The following TUBA1C variants were observed in gnomAD, a reference collection of about 807,000 sequenced individuals.
TUBA1C encodes the protein tubulin alpha-1C chain.
A neutral mutation model predicts 34.9 loss-of-function variants in TUBA1C; 16 were observed. The observed-to-expected ratio is 0.46, with a 90% CI of 0.31 to 0.70. The LOEUF (loss-of-function observed/expected upper bound fraction) is 0.70, where lower values mean the gene tolerates loss of function less well. Ranked by LOEUF, TUBA1C falls within the 30% of genes least tolerant of loss-of-function variation. The pLI, the probability that TUBA1C is intolerant of heterozygous loss-of-function variation, is 0.05. For synonymous variants in TUBA1C, 177 were observed against 215.9 expected (o/e 0.82, Z 1.58); for missense variants, 329 against 587.3 (o/e 0.56, Z 4.55).
At chr12:49,271,528 T>C (rs1942991505) in intron 3 of TUBA1C, among the ~76,000 whole-genome samples, 1 of 152,204 alleles carries the variant, frequency 6.6e-6, no homozygotes, top group Non-Finnish European at 1.5e-5. Context: ...ACTTACTTAA[T>C]TCTCAACCTA....
At chr12:49,266,369 G>C (rs1244761606) in intron 1 of TUBA1C, among the ~76,000 whole-genome samples, 1 of 149,482 alleles carries the variant, frequency 6.7e-6, no homozygotes, top group Non-Finnish European at 1.5e-5. Flanking sequence ...GGCGGAGCTT[G>C]CAGTGAGCCG....
At chr12:49,228,770 G>A (rs183785070) in intron 1 of TUBA1C, among the ~76,000 whole-genome samples, 163 of 152,226 alleles carry the variant, frequency 1.1e-3, no homozygotes, top group Admixed American at 8.6e-3. Flanking sequence ...GAGAGTAGGC[G>A]CTAACACAAT....
chr12:49,238,084 G>C (rs531001370), intron 1 of TUBA1C, among the ~76,000 whole-genome samples: 1 of 151,650 alleles, frequency 6.6e-6, no homozygotes, highest in Non-Finnish European at 1.5e-5. Flanking sequence ...ACTCCAGCCT[G>C]GGTGACAAGA....
At chr12:49,247,222 G>C (rs1942679589) in intron 1 of TUBA1C, among the ~76,000 whole-genome samples, 2 of 151,988 alleles carry the variant, frequency 1.3e-5, no homozygotes, top group South Asian at 4.2e-4. Context: ...ACCTCAGAGG[G>C]GAGACAGAGC....
chr12:49,261,229 C>CAA (rs60770205), upstream of TUBA1C, among the ~76,000 whole-genome samples: 10 of 131,958 alleles, frequency 7.6e-5, no homozygotes, highest in African/African-American at 2.8e-4. Context: ...GACACCGTCT[C>CAA]AAAAAAAAAA....
At chr12:49,234,420 C>G (rs988075292) in intron 1 of TUBA1C, among the ~76,000 whole-genome samples, 10 of 152,270 alleles carry the variant, frequency 6.6e-5, no homozygotes, top group African/African-American at 2.4e-4. Context: ...ACACTACTCT[C>G]CAAACCAGAG....
At chr12:49,243,354 T>C (rs760968131) in intron 1 of TUBA1C, among the ~76,000 whole-genome samples, 3 of 151,846 alleles carry the variant, frequency 2.0e-5, no homozygotes, top group Non-Finnish European at 4.4e-5. Flanking sequence ...GGCGGGAGAA[T>C]TGGTTGAATC....
chr12:49,237,942 C>G (rs1592273559), intron 1 of TUBA1C, among the ~76,000 whole-genome samples: 2 of 151,770 alleles, frequency 1.3e-5, no homozygotes, highest in African/African-American at 4.8e-5. Context: ...AAACTCGTCT[C>G]TACTAAAAAT....
chr12:49,265,917 A>AGATCAG, intron 1 of TUBA1C, among the ~76,000 whole-genome samples: 1 of 130,686 alleles, frequency 7.7e-6, no homozygotes. Context: ...CACTTGTTCG[A>AGATCAG]GACAAACCTG....
intron 1 of TUBA1C, among the ~76,000 whole-genome samples, chr12:49,268,028 C>G (rs1428236121): frequency 6.6e-6 from 1 of 152,162 alleles, no homozygotes; most frequent in Non-Finnish European, 1.5e-5. Context: ...TAACCATATT[C>G]TGCTTTGGCC....
chr12:49,231,162 T>C (rs534889198), intron 1 of TUBA1C, among the ~76,000 whole-genome samples: 1 of 152,262 alleles, frequency 6.6e-6, no homozygotes, highest in South Asian at 2.1e-4. Context: ...TCCATCATTA[T>C]TTTTTAATTG....
intron 1 of TUBA1C, among the ~76,000 whole-genome samples, chr12:49,236,885 T>C (rs1480430266): frequency 6.6e-6 from 1 of 152,230 alleles, no homozygotes; most frequent in African/African-American, 2.4e-5. Flanking sequence ...GATTATGATA[T>C]TATAATCTTA....
chr12:49,245,935 C>T (rs546593061), intron 1 of TUBA1C, among the ~76,000 whole-genome samples: 1 of 152,260 alleles, frequency 6.6e-6, no homozygotes, highest in Non-Finnish European at 1.5e-5. Flanking sequence ...GATGGAATCT[C>T]ACTCTGTTGC....
intron 1 of TUBA1C, among the ~76,000 whole-genome samples, chr12:49,251,223 C>T (rs1942729202): frequency 6.6e-6 from 1 of 152,060 alleles, no homozygotes; most frequent in Non-Finnish European, 1.5e-5. Context: ...CAAACAAAAA[C>T]AATCTAACAA....
Position 49,237,748 on chromosome 12 carries a change from AAGAG to A in TUBA1C, c.213+9592_213+9595del, listed in dbSNP as rs202182177. Among the ~76,000 whole-genome samples, 343 of 149,244 alleles carry A rather than the reference AAGAG, an allele frequency of 2.3e-3. 2 individuals are homozygous for A. The highest frequency in any genetic ancestry group is 8.1e-3 in the African/African-American group (326 of 40,162). On this transcript the variant is annotated intron_variant, in intron 1 of 3. Transcript: ENST00000541364. ...GACAGAGACCCTGTCAAAAAAAAAAAAGAGAGAGAGAGAAAGAGGGGTGGGGAGG... is the reference window on the plus strand; with the variant it reads ...GACAGAGACCCTGTCAAAAAAAAAAAAGAGAGAGAAAGAGGGGTGGGGAGG...
intron 1 of TUBA1C, among the ~76,000 whole-genome samples, 156 bp from the exon 2 acceptor site, chr12:49,269,309 T>A (rs1942956786): frequency 6.6e-6 from 1 of 152,166 alleles, no homozygotes; most frequent in South Asian, 2.1e-4. Flanking sequence ...GTGATCCACC[T>A]GCCTCAGCCT....
intron 1 of TUBA1C, among the ~76,000 whole-genome samples, chr12:49,241,000 C>T (rs1272739616): frequency 6.6e-6 from 1 of 152,090 alleles, no homozygotes; most frequent in South Asian, 2.1e-4. Context: ...CTCCTGGGTT[C>T]AAGCGATTCT....
At chr12:49,246,835 G>A (rs917931181) in intron 1 of TUBA1C, among the ~76,000 whole-genome samples, 3 of 151,682 alleles carry the variant, frequency 2.0e-5, no homozygotes, top group African/African-American at 7.3e-5. Context: ...GCAACCCCTA[G>A]GAAGCCAGAC....
chr12:49,269,491 C>T lies in TUBA1C; in HGVS notation c.30C>T (p.Gly10=). 6.2e-7 allele frequency: 1 copy of T among 1,614,192 alleles called. No individual in the cohort carries two copies. The highest frequency in any genetic ancestry group is 1.3e-5 in the African/African-American group (1 of 75,042). ...GTGAGTGCATCTCCATCCACGTTGG[C>T]CAGGCTGGTGTCCAGATTGGCAATG... MRECISIHV[G]QAGVQIGNAC... The change falls in exon 2 of 4, where the codon GGC becomes GGT. Residue 10 remains glycine (G), a synonymous_variant. Coordinates refer to ENST00000301072, the MANE Select transcript of TUBA1C (RefSeq NM_032704.5).
Sources: allele counts gnomAD v4.1 joint callset (sites outside exome capture counted in the v4.1 genomes callset), GRCh38; gene constraint gnomAD v4.1.1; transcripts MANE v1.5; gene names NCBI Gene and HGNC (gene_info 2026-07-23, HGNC 2026-07-21).